Variants in SLC27A6 observed in about 807,000 individuals in gnomAD.
SLC27A6 encodes long-chain fatty acid transport protein 6.
SLC27A6 carries 74 observed loss-of-function variants against 63.9 expected under a neutral mutation model. That is an observed-to-expected ratio of 1.16 (90% CI 0.96 to 1.40). SLC27A6 has a LOEUF of 1.40. Among genes scored for constraint, SLC27A6 ranks in the 40% most tolerant of loss-of-function variants. The pLI is 0.00. For synonymous variants in SLC27A6, 287 were observed against 260.8 expected (o/e 1.10, Z -0.97); for missense variants, 794 against 732.9 (o/e 1.08, Z -0.96).
chr5:129,027,311 C>T lies in SLC27A6; in HGVS notation c.1434C>T (p.Asp478=). ...QDQDNFLYFW[D]RTGDTFRWKG... ...AGGACAATTTCCTTTATTTTTGGGA[C>T]CGTACTGGAGACACTTTCAGGTATG... is the stretch of plus-strand genomic sequence containing the variant. Residue 478 remains aspartate, a synonymous_variant, in exon 7 of 10, where the codon GAC becomes GAT. Transcript: ENST00000262462. The T allele has an allele frequency of 6.2e-7, 1 of 1,611,770 alleles. No homozygotes were observed. The highest frequency in any genetic ancestry group is 1.3e-5 in the African/African-American group (1 of 74,920).
In SLC27A6 at chr5:128,966,479, T is replaced by C; in HGVS notation, c.342T>C (p.Asn114=). The stretch of plus-strand genomic sequence containing the variant: ...ACACGGTGGCTCTGCTGATGAGCAA[T>C]GAGCCGGACTTCGTTCACGTGTGGT... ...KGDTVALLMS[N]EPDFVHVWFG... The change falls in exon 1 of 10, where the codon AAT becomes AAC. Residue 114 remains asparagine (N), a synonymous_variant. Transcript: ENST00000262462. 1 of 1,609,030 alleles carries C rather than the reference T, an allele frequency of 6.2e-7. No homozygotes were observed. Among genetic ancestry groups the C allele is most frequent in the Non-Finnish European group, 8.5e-7 (1 of 1,177,890 alleles).
chr5:128,997,578 T>C (rs1047616387), intron 4 of SLC27A6, among the ~76,000 whole-genome samples: 1 of 152,212 alleles, frequency 6.6e-6, no homozygotes, highest in East Asian at 1.9e-4. Flanking sequence ...GTGTATATAT[T>C]AAAGGCTTTT....
chr5:128,991,155 G>C (rs976226340), intron 4 of SLC27A6, among the ~76,000 whole-genome samples: 13 of 152,294 alleles, frequency 8.5e-5, no homozygotes, highest in African/African-American at 3.1e-4. Context: ...GGTGATAGAT[G>C]ATTGACTATT....
rs1752139552 is a variant in SLC27A6, at chr5:129,023,528, T to C, written c.1165-92T>C. The C allele has an allele frequency of 9.1e-6, 7 of 765,790 alleles. No homozygotes were observed. The South Asian group carries it at 1.2e-4, about 13-fold the overall frequency. The allele number at this position is 765,790 out of a possible 1,614,324, so 47.4% of individuals were successfully genotyped here. A position where few individuals can be genotyped will look rare whatever the true frequency, so the allele number is the denominator to read the frequency against. On this transcript the variant is annotated intron_variant, in intron 5 of 9. Transcript: ENST00000262462. ...CAATTATTTATTTCAATTAGCATAG[T>C]CTACTACAGTAGACTAAATTGCTTG...
At chr5:129,029,485 A>G in intron 8 of SLC27A6, 92 bp from the exon 9 acceptor site, 2 of 782,270 alleles carry the variant, frequency 2.6e-6, no homozygotes, top group East Asian at 5.3e-5. Context: ...AATAGATTTA[A>G]TGTCTCCATG....
chr5:129,010,368 T>C (rs906750756), intron 4 of SLC27A6, among the ~76,000 whole-genome samples: 2 of 152,162 alleles, frequency 1.3e-5, no homozygotes, highest in African/African-American at 4.8e-5. Flanking sequence ...AATGCGTGAA[T>C]ATGTGTGCAG....
At chr5:128,972,796 A>C (rs576260854) in intron 1 of SLC27A6, among the ~76,000 whole-genome samples, 1 of 152,152 alleles carries the variant, frequency 6.6e-6, no homozygotes, top group African/African-American at 2.4e-5. Flanking sequence ...TTCTCCATCC[A>C]GTTTTGTTCC....
chr5:128,989,918 C>T (rs903768920), intron 3 of SLC27A6, among the ~76,000 whole-genome samples: 3 of 114,398 alleles, frequency 2.6e-5, no homozygotes. Context: ...GGTGAGACTC[C>T]GTCTCAAAAA....
At chr5:129,017,024 C>T (rs1258506787) in intron 5 of SLC27A6, among the ~76,000 whole-genome samples, 1 of 152,118 alleles carries the variant, frequency 6.6e-6, no homozygotes, top group Admixed American at 6.6e-5. Flanking sequence ...ATAGCAGTCT[C>T]AACCTTTGTA....
intron 1 of SLC27A6, among the ~76,000 whole-genome samples, chr5:128,981,429 C>T (rs1052603456): frequency 2.0e-5 from 3 of 150,670 alleles, no homozygotes; most frequent in Non-Finnish European, 4.4e-5. Flanking sequence ...TGTAGTGAGC[C>T]GAGTTTGGGC....
chr5:128,995,646 G>T (rs1244748748), intron 4 of SLC27A6, among the ~76,000 whole-genome samples: 1 of 152,120 alleles, frequency 6.6e-6, no homozygotes, highest in African/African-American at 2.4e-5. Context: ...AGAAAAGCTG[G>T]GAGGTTGCCG....
chr5:128,967,244 C>G (rs1580693188), intron 1 of SLC27A6, among the ~76,000 whole-genome samples: 2 of 152,182 alleles, frequency 1.3e-5, no homozygotes, highest in Admixed American at 1.3e-4. Flanking sequence ...CCTCCTCCCC[C>G]TGCCTTGGAG....
chr5:129,018,103 G>A (rs1386900272), intron 5 of SLC27A6, among the ~76,000 whole-genome samples: 1 of 152,038 alleles, frequency 6.6e-6, no homozygotes. Flanking sequence ...TCTGAAAGTA[G>A]CACTATCCTA....
chr5:129,016,031 C>A lies in SLC27A6; in HGVS notation c.1116C>A (p.Asn372Lys), dbSNP rs770940923. 3.1e-6 allele frequency: 5 copies of A among 1,603,128 alleles called. No individual in the cohort carries two copies. The highest frequency in any genetic ancestry group is 1.7e-4 in the Middle Eastern group (1 of 6,030). ...AATESSISFM[N>K]YTGRIGAIGR... ...CCGAATCAAGCATATCTTTCATGAA[C>A]TACACTGGGAGAATTGGAGCAATTG... Residue 372 changes from asparagine (N) to lysine (K), a missense_variant, in exon 5 of 10, where the codon AAC becomes AAA. By Grantham distance (94) the Asn-to-Lys change is moderately conservative (BLOSUM62 0). Coordinates refer to ENST00000262462, the MANE Select transcript of SLC27A6 (RefSeq NM_001017372.3).
intron 5 of SLC27A6, among the ~76,000 whole-genome samples, chr5:129,021,779 A>G (rs1358126943): frequency 6.6e-6 from 1 of 152,140 alleles, no homozygotes; most frequent in Non-Finnish European, 1.5e-5. Context: ...GTACTTCTAG[A>G]AAATGCTGTG....
chr5:129,018,116 G>C (rs1444082869), intron 5 of SLC27A6, among the ~76,000 whole-genome samples: 2 of 151,990 alleles, frequency 1.3e-5, no homozygotes, highest in African/African-American at 2.4e-5. Context: ...CTATCCTATA[G>C]CATTGCTTTT....
rs540932593 is a variant in SLC27A6 at position 129,028,330 on chromosome 5, AT to A, written c.1455-8del. On this transcript the variant is annotated splice_polypyrimidine_tract_variant and intron_variant, in intron 7 of 9. Coordinates refer to ENST00000262462, the MANE Select transcript of SLC27A6 (RefSeq NM_001017372.3). Reference sequence around the variant, plus strand: ...ATACAGGTGCACTAACTGGAATTTGATTTTTTTCATTTAGATGGAAAGGAGA... The same window carrying A: ...ATACAGGTGCACTAACTGGAATTTGATTTTTTCATTTAGATGGAAAGGAGA... 5.1e-4 allele frequency: 802 copies of A among 1,576,068 alleles called. 3 individuals are homozygous for A. The African/African-American group carries it at 9.8e-3, about 19-fold the overall frequency.
At chr5:129,004,566 C>T (rs960112183) in intron 4 of SLC27A6, among the ~76,000 whole-genome samples, 1 of 152,112 alleles carries the variant, frequency 6.6e-6, no homozygotes, top group East Asian at 1.9e-4. Flanking sequence ...TATGCATGTC[C>T]TCTCATTCCT....
chr5:129,016,101 T>A (rs758666802), intron 5 of SLC27A6, 22 bp downstream of exon 5: 1 of 1,537,710 alleles, frequency 6.5e-7, no homozygotes, highest in South Asian at 1.2e-5. Context: ...ATTTTCCTTA[T>A]TAAAGAAATA....
Sources: allele counts gnomAD v4.1 joint callset (sites outside exome capture counted in the v4.1 genomes callset), GRCh38; gene constraint gnomAD v4.1.1; transcripts MANE v1.5; gene names NCBI Gene and HGNC (gene_info 2026-07-23, HGNC 2026-07-21).